The following LCORL variants were observed in gnomAD, a reference collection of about 807,000 sequenced individuals.
The protein encoded by LCORL is ligand-dependent nuclear receptor corepressor-like protein.
Under a neutral mutation model 141.8 loss-of-function variants are expected in LCORL, and 41 were observed. The observed-to-expected ratio is 0.29, with a 90% CI of 0.23 to 0.38. LCORL has a LOEUF of 0.38. Ranked by LOEUF, LCORL falls within the 10% of genes least tolerant of loss-of-function variation. The pLI, the probability that LCORL is intolerant of heterozygous loss-of-function variation, is 1.00. For synonymous variants in LCORL, 618 were observed against 694.1 expected, an observed-to-expected ratio of 0.89 and a Z score of 1.72; for missense variants, 1,759 against 2,035.0, an observed-to-expected ratio of 0.86 and a Z score of 2.61.
At chr4:17,901,615 A>G (rs1428018451) in intron 5 of LCORL, among the ~76,000 whole-genome samples, 1 of 152,118 alleles carries the variant, frequency 6.6e-6, no homozygotes, top group East Asian at 1.9e-4. Flanking sequence ...ACAGCACTCA[A>G]TATAGCTGTA....
At chr4:17,985,047 GTTGT>G (rs1560442801) in intron 1 of LCORL, among the ~76,000 whole-genome samples, 5 of 152,014 alleles carry the variant, frequency 3.3e-5, no homozygotes, top group East Asian at 1.9e-4. Flanking sequence ...TCAAGAGCAC[GTTGT>G]TTAATTTTCA....
intron 1 of LCORL, among the ~76,000 whole-genome samples, chr4:17,982,870 T>C (rs962474172): frequency 1.3e-5 from 2 of 152,212 alleles, no homozygotes; most frequent in African/African-American, 2.4e-5. Flanking sequence ...ACTGCCTAGG[T>C]TGTCTTCAAG....
intron 5 of LCORL, among the ~76,000 whole-genome samples, chr4:17,887,392 C>T (rs1728428629): frequency 6.6e-6 from 1 of 152,074 alleles, no homozygotes; most frequent in African/African-American, 2.4e-5. Context: ...GAGGGTGGGG[C>T]TGAGAATGCT....
intron 1 of LCORL, among the ~76,000 whole-genome samples, chr4:18,006,942 A>G (rs956240642): frequency 6.6e-6 from 1 of 152,170 alleles, no homozygotes; most frequent in African/African-American, 2.4e-5. Flanking sequence ...GAAGCTTGGA[A>G]ATGATTCTCT....
intron 4 of LCORL, among the ~76,000 whole-genome samples, chr4:17,961,084 G>A (rs1281685487): frequency 6.6e-6 from 1 of 152,034 alleles, no homozygotes; most frequent in African/African-American, 2.4e-5. Flanking sequence ...ATTCCAAAGA[G>A]GAGTAAAATA....
intron 1 of LCORL, among the ~76,000 whole-genome samples, chr4:17,991,263 A>G (rs1719968088): frequency 6.6e-6 from 1 of 152,190 alleles, no homozygotes; most frequent in Non-Finnish European, 1.5e-5. Flanking sequence ...CTTTGCTTTT[A>G]AAGACTCTAC....
chr4:17,956,495 G>A (rs1041283100), intron 4 of LCORL, among the ~76,000 whole-genome samples: 4 of 152,078 alleles, frequency 2.6e-5, no homozygotes, highest in Non-Finnish European at 5.9e-5. Context: ...CCTGCCGTTT[G>A]CAGCAAAATG....
intron 1 of LCORL, among the ~76,000 whole-genome samples, chr4:18,014,794 G>A (rs146989209): frequency 8.0e-4 from 122 of 152,288 alleles, no homozygotes; most frequent in African/African-American, 2.8e-3. Flanking sequence ...GGTAGCAGTA[G>A]GCTGGTCTGG....
At chr4:17,948,608 T>C (rs949996052) in intron 4 of LCORL, among the ~76,000 whole-genome samples, 5 of 151,962 alleles carry the variant, frequency 3.3e-5, no homozygotes, top group African/African-American at 1.2e-4. Flanking sequence ...CAATGCAGAT[T>C]TTCTATCACT....
chr4:17,919,080 TC>T (rs1440866344), intron 4 of LCORL, among the ~76,000 whole-genome samples: 2 of 151,878 alleles, frequency 1.3e-5, no homozygotes, highest in Non-Finnish European at 2.9e-5. Flanking sequence ...TCACTACTGA[TC>T]TTAAAAAAAC....
chr4:17,903,367 C>A lies in LCORL; in HGVS notation c.682+5727G>T, dbSNP rs560904307. 2.0e-5 allele frequency among the ~76,000 whole-genome samples: 3 copies of A among 152,068 alleles called. No individual in the cohort carries two copies. The South Asian group carries it at 6.2e-4, about 31-fold the overall frequency. On this transcript the variant is annotated intron_variant, in intron 5 of 7. Transcript: ENST00000635767. ...GTATTCCATCTCTGCCCAATCTGAT[C>A]TTGTTCTGTATAGGATTGCCTATGC...
intron 1 of LCORL, among the ~76,000 whole-genome samples, chr4:17,976,386 C>A (rs994062321): frequency 2.6e-5 from 4 of 152,080 alleles, no homozygotes; most frequent in African/African-American, 9.7e-5. Context: ...TGTAGTATTC[C>A]ATTTTGTTGC....
chr4:17,947,738 T>A (rs1424419537), intron 4 of LCORL, among the ~76,000 whole-genome samples: 2 of 151,986 alleles, frequency 1.3e-5, no homozygotes, highest in Admixed American at 1.3e-4. Flanking sequence ...AACTCCAGTA[T>A]CACCATCTGT....
At chr4:18,004,865 T>C (rs533804758) in intron 1 of LCORL, among the ~76,000 whole-genome samples, 4 of 151,706 alleles carry the variant, frequency 2.6e-5, no homozygotes, top group African/African-American at 9.7e-5. Flanking sequence ...ATGGGAGAAA[T>C]TGGCAAAAAC....
At chr4:17,891,377 A>G (rs1286233316) in intron 5 of LCORL, among the ~76,000 whole-genome samples, 5 of 152,146 alleles carry the variant, frequency 3.3e-5, no homozygotes, top group African/African-American at 7.2e-5. Context: ...CGATGTAGCC[A>G]TATGTCTTCA....
intron 1 of LCORL, among the ~76,000 whole-genome samples, chr4:18,010,646 CTGT>C (rs72090825): frequency 0.24 from 35,839 of 151,668 alleles, 5,364 homozygotes; most frequent in African/African-American, 0.42. Flanking sequence ...GACAGGGTTT[CTGT>C]ACATGTTGGC....
chr4:17,959,309 A>C (rs181593420), intron 4 of LCORL, among the ~76,000 whole-genome samples: 51 of 152,132 alleles, frequency 3.4e-4, no homozygotes, highest in Non-Finnish European at 6.9e-4. Context: ...GAGAATGGGA[A>C]GTGTTTTCTA....
rs370504282 is a variant in LCORL at position 17,959,862 on chromosome 4, C to T, written c.430+2041G>A. On this transcript the variant is annotated intron_variant, in intron 4 of 7. Coordinates refer to ENST00000635767, the Ensembl canonical transcript of LCORL. The stretch of plus-strand genomic sequence containing the variant: ...GTTTTAACAACACGTCATAATACTA[C>T]TCCAAAGACTCAGAAGTATTTCCTG... Among the ~76,000 whole-genome samples, 59 of 152,232 alleles carry T rather than the reference C, an allele frequency of 3.9e-4. No individual in the cohort carries two copies. The East Asian group carries it at 0.01, about 27-fold the overall frequency.
At chr4:18,019,922 G>GT (rs1261288480) in intron 1 of LCORL, among the ~76,000 whole-genome samples, 7 of 152,048 alleles carry the variant, frequency 4.6e-5, no homozygotes, top group African/African-American at 2.4e-5. Flanking sequence ...ACAATATTTA[G>GT]TTTTTTAAAC....
Sources: allele counts gnomAD v4.1 joint callset (sites outside exome capture counted in the v4.1 genomes callset), GRCh38; gene constraint gnomAD v4.1.1; transcripts MANE v1.5; gene names NCBI Gene and HGNC (gene_info 2026-07-23, HGNC 2026-07-21).